The following DPP6 variants were observed in gnomAD, a reference collection of about 807,000 sequenced individuals.
DPP6 encodes the protein A-type potassium channel modulatory protein DPP6.
A neutral mutation model predicts 122.6 loss-of-function variants in DPP6; 69 were observed. The ratio of observed to expected loss-of-function variants is 0.56; its 90% CI spans 0.46 to 0.69. The LOEUF is 0.69. Ranked by LOEUF, DPP6 falls within the 30% of genes least tolerant of loss-of-function variation. The pLI is 0.00. For missense variants in DPP6, 928 were observed against 1,116.9 expected (o/e 0.83, Z 2.41); for synonymous variants, 418 against 433.1 (o/e 0.97, Z 0.43).
At chr7:154,276,166 G>A (rs1804115329) in intron 1 of DPP6, among the ~76,000 whole-genome samples, 1 of 152,094 alleles carries the variant, frequency 6.6e-6, no homozygotes, top group Admixed American at 6.6e-5. Flanking sequence ...TAAGCTTATG[G>A]ATATTATCTT....
chr7:154,710,394 A>G lies in DPP6; in HGVS notation c.763-17373A>G, dbSNP rs184205789. ...TCCAGGGCAACAAAAGCAGGAAGTC[A>G]GCTGATGGTCAAATTCGCTGCAAAG... On this transcript the variant is annotated intron_variant, in intron 7 of 25. Coordinates refer to ENST00000377770, the MANE Select transcript of DPP6 (RefSeq NM_130797.4). Among the ~76,000 whole-genome samples the G allele has an allele frequency of 2.0e-5, 3 of 152,338 alleles. No homozygotes were observed. In the East Asian group the frequency reaches 5.8e-4, roughly 29 times the overall value.
intron 1 of DPP6, among the ~76,000 whole-genome samples, chr7:154,237,979 TGA>T (rs1172638040): frequency 2.6e-5 from 4 of 152,206 alleles, no homozygotes; most frequent in Non-Finnish European, 5.9e-5. Flanking sequence ...AGCTCGTGTC[TGA>T]GAGAGGATCC....
chr7:154,253,401 G>C (rs1802473790), intron 1 of DPP6, among the ~76,000 whole-genome samples: 1 of 152,204 alleles, frequency 6.6e-6, no homozygotes, highest in South Asian at 2.1e-4. Flanking sequence ...AGCCTGTCAA[G>C]AAAGCCCTTG....
intron 1 of DPP6, among the ~76,000 whole-genome samples, chr7:153,950,610 A>C (rs75200753): frequency 0.033 from 5,062 of 152,300 alleles, 287 homozygotes; most frequent in African/African-American, 0.11. Flanking sequence ...AAATAAGGAA[A>C]GATTGGCAGC....
At chr7:154,713,676 T>C (rs2131313236) in intron 7 of DPP6, among the ~76,000 whole-genome samples, 1 of 152,318 alleles carries the variant, frequency 6.6e-6, no homozygotes, top group Middle Eastern at 3.4e-3. Flanking sequence ...AAGTCCCAAG[T>C]CTGCACACAG....
intron 1 of DPP6, among the ~76,000 whole-genome samples, chr7:153,975,778 C>T (rs1796271803): frequency 6.6e-6 from 1 of 152,092 alleles, no homozygotes; most frequent in Non-Finnish European, 1.5e-5. Context: ...AGCAATATAG[C>T]ATAGACATTG....
rs143497458 is a variant in DPP6 at position 154,644,902 on chromosome 7, C to T, written c.680+7029C>T. Among the ~76,000 whole-genome samples the T allele has an allele frequency of 1.4e-3, 220 of 151,918 alleles. 2 individuals carry two copies. The highest frequency in any genetic ancestry group is 5.1e-3 in the African/African-American group (212 of 41,468). On this transcript the variant is annotated intron_variant, in intron 6 of 25. Transcript: ENST00000377770. The stretch of plus-strand genomic sequence containing the variant: ...TTCTTTTGCATTTTAGTAGATACGA[C>T]GTTTCACTGTCTTGCTCAGGGTAGT...
chr7:154,131,635 GT>G (rs1795290465), intron 1 of DPP6, among the ~76,000 whole-genome samples: 1 of 152,418 alleles, frequency 6.6e-6, no homozygotes, highest in African/African-American at 2.4e-5. Flanking sequence ...AAATCAATAA[GT>G]GGAATACTAA....
chr7:154,401,794 A>G (rs1225769322), intron 1 of DPP6, among the ~76,000 whole-genome samples: 2 of 152,204 alleles, frequency 1.3e-5, no homozygotes, highest in Non-Finnish European at 2.9e-5. Context: ...AGAAACTACC[A>G]TCGGAGTGAA....
chr7:154,392,642 G>T (rs577298588), intron 1 of DPP6, among the ~76,000 whole-genome samples: 2 of 152,344 alleles, frequency 1.3e-5, no homozygotes, highest in South Asian at 4.1e-4. Context: ...AAGCAAAGCA[G>T]CATTTCTTGT....
At chr7:154,405,841 T>C (rs1025874192) in intron 1 of DPP6, among the ~76,000 whole-genome samples, 1 of 152,172 alleles carries the variant, frequency 6.6e-6, no homozygotes, top group African/African-American at 2.4e-5. Flanking sequence ...CCAAAGACAT[T>C]TTGGGAAAGT....
chr7:154,573,404 C>T (rs1380649825), intron 5 of DPP6, among the ~76,000 whole-genome samples: 1 of 152,202 alleles, frequency 6.6e-6, no homozygotes, highest in Non-Finnish European at 1.5e-5. Flanking sequence ...GCGAGTCTCA[C>T]CTTCAGCACG....
Position 153,955,045 on chromosome 7 carries a change from C to G in DPP6, c.51+67311C>G, listed in dbSNP as rs113752955. ...TGATATTTAAAAATTAAACTCTGTTCGGCTAGCCAGCCTTCTTCAGTCTTC... is the reference window on the plus strand; with the variant it reads ...TGATATTTAAAAATTAAACTCTGTTGGGCTAGCCAGCCTTCTTCAGTCTTC... On this transcript the variant is annotated intron_variant, in intron 1 of 25. Coordinates refer to the DPP6 transcript ENST00000404039. Among the ~76,000 whole-genome samples, 1,279 of 152,258 alleles carry G rather than the reference C, an allele frequency of 8.4e-3. 6 individuals are homozygous for G. The highest frequency in any genetic ancestry group is 0.014 in the Non-Finnish European group (932 of 68,022).
intron 10 of DPP6, among the ~76,000 whole-genome samples, chr7:154,774,533 C>A (rs534272412): frequency 9.7e-4 from 148 of 152,302 alleles, no homozygotes; most frequent in African/African-American, 3.4e-3. Flanking sequence ...TAGCGTCAGC[C>A]AGGACTTGAA....
intron 1 of DPP6, chr7:153,887,775 C>A: frequency 2.5e-6 from 4 of 1,604,480 alleles, no homozygotes; most frequent in Non-Finnish European, 3.4e-6. Context: ...TCGGGGGGAC[C>A]CACCGTGAGG....
At chr7:153,841,896 G>T in the DPP6 span, among the ~76,000 whole-genome samples, 1 of 152,190 alleles carries the variant, frequency 6.6e-6, no homozygotes, top group African/African-American at 2.4e-5. Context: ...TTTTGCTTAA[G>T]AAATTTCCTA....
chr7:153,949,213 G>A (rs946359845), intron 1 of DPP6, among the ~76,000 whole-genome samples: 1 of 152,196 alleles, frequency 6.6e-6, no homozygotes, highest in African/African-American at 2.4e-5. Flanking sequence ...GCAGCTAAGT[G>A]CAGCCACAGA....
intron 1 of DPP6, among the ~76,000 whole-genome samples, chr7:154,333,253 CT>C (rs34165810): frequency 1.0e-4 from 15 of 148,986 alleles, no homozygotes; most frequent in South Asian, 2.1e-4. Context: ...TTTCTCAGGG[CT>C]TTTTTTTTTA....
rs562251007 is a variant in DPP6, at chr7:153,892,584, G to A, written c.51+4850G>A. Among the ~76,000 whole-genome samples, 3 of 152,198 alleles carry A rather than the reference G, an allele frequency of 2.0e-5. No individual in the cohort carries two copies. In the East Asian group the frequency reaches 5.8e-4, roughly 29 times the overall value. ...CCGTCTCGGCCCCCCAAAGTGCTGT[G>A]AGCCACCTCTCCCTGCCAAATCTTC... On this transcript the variant is annotated intron_variant, in intron 1 of 25. Coordinates refer to the DPP6 transcript ENST00000404039.
Sources: allele counts gnomAD v4.1 joint callset (sites outside exome capture counted in the v4.1 genomes callset), GRCh38; gene constraint gnomAD v4.1.1; transcripts MANE v1.5; gene names NCBI Gene and HGNC (gene_info 2026-07-23, HGNC 2026-07-21).